The following PHACTR2 variants were observed in gnomAD, a reference collection of about 807,000 sequenced individuals.
PHACTR2 encodes phosphatase and actin regulator 2.
In PHACTR2, 30 loss-of-function variants were observed where a neutral mutation model predicts 76.0. The ratio of observed to expected loss-of-function variants is 0.39; its 90% CI spans 0.30 to 0.54. The LOEUF is 0.54. Ranked by LOEUF, PHACTR2 falls within the 20% of genes least tolerant of loss-of-function variation. PHACTR2 has a pLI of 0.61. For synonymous variants in PHACTR2, 292 were observed against 292.5 expected (o/e 1.00, Z 0.02); for missense variants, 696 against 781.1 (o/e 0.89, Z 1.30).
chr6:143,582,523 A>T (rs1775587404), intron 1 of PHACTR2, among the ~76,000 whole-genome samples: 3 of 152,108 alleles, frequency 2.0e-5, no homozygotes, highest in Admixed American at 2.0e-4. Flanking sequence ...TTTTTTCCTG[A>T]GGAATGATCA....
At chr6:143,615,449 A>T (rs150489644) in intron 1 of PHACTR2, among the ~76,000 whole-genome samples, 1 of 152,334 alleles carries the variant, frequency 6.6e-6, no homozygotes, top group African/African-American at 2.4e-5. Flanking sequence ...GTAAATATCA[A>T]TGTCATATGA....
At position 143,738,087 on chromosome 6, in the gene PHACTR2, C is replaced by G. The variant is rs543949164; in HGVS notation, c.215-10898C>G. ...TTGTTTTAATATGTATTGTTCATGG[C>G]TCAACTCAATAAAAAATAGGCTTTT... On this transcript the variant is annotated intron_variant, in intron 2 of 12. Coordinates refer to ENST00000440869, the MANE Select transcript of PHACTR2 (RefSeq NM_001100164.2). This position sits in a 1 kb window ranked among gnomAD's most constrained non-coding sequence, Gnocchi z 4.0. 6.6e-6 allele frequency among the ~76,000 whole-genome samples: 1 copy of G among 152,296 alleles called. No homozygotes were observed. The highest frequency in any genetic ancestry group is 2.4e-5 in the African/African-American group (1 of 41,572).
intron 2 of PHACTR2, among the ~76,000 whole-genome samples, chr6:143,727,296 T>C (rs1387270836): frequency 6.6e-6 from 1 of 152,240 alleles, no homozygotes; most frequent in Non-Finnish European, 1.5e-5. Flanking sequence ...TATTCTTTTT[T>C]TTTTATGGCC....
intron 6 of PHACTR2, among the ~76,000 whole-genome samples, chr6:143,771,654 C>A (rs1382168010): frequency 1.3e-5 from 2 of 151,986 alleles, no homozygotes; most frequent in Non-Finnish European, 2.9e-5. Flanking sequence ...CCAGGCTGGT[C>A]TTGAACTCCT....
Position 143,755,175 on chromosome 6 carries a change from A to G in PHACTR2, c.454+1263A>G. On this transcript the variant is annotated intron_variant, in intron 4 of 12. Transcript: ENST00000440869. This position sits in a 1 kb window ranked among gnomAD's most constrained non-coding sequence, Gnocchi z 5.2. ...TACACAAATTATGAAATTAACTAAT[A>G]CTTTCAATGATAATATTCCTGGAAC... 2.3e-6 allele frequency: 1 copy of G among 434,834 alleles called. No homozygotes were observed. The highest frequency in any genetic ancestry group is 1.6e-5 in the South Asian group (1 of 61,202). The allele number at this position is 434,834 out of a possible 1,614,324, so 26.9% of individuals were successfully genotyped here.
intron 1 of PHACTR2, among the ~76,000 whole-genome samples, chr6:143,538,249 T>C (rs957231610): frequency 2.6e-5 from 4 of 152,222 alleles, no homozygotes; most frequent in Non-Finnish European, 5.9e-5. Flanking sequence ...GGCCGAGTTG[T>C]GTGACGTTGG....
chr6:143,735,865 G>T (rs556040445), intron 2 of PHACTR2, among the ~76,000 whole-genome samples: 1 of 152,192 alleles, frequency 6.6e-6, no homozygotes, highest in East Asian at 1.9e-4. Context: ...GTGAAGTAAA[G>T]TAGTTTTTCC....
chr6:143,547,123 T>G lies in PHACTR2; in HGVS notation c.217+9916T>G, dbSNP rs1468819994. Reference sequence around the variant, plus strand: ...GTGTTATCTTTTAGAGTTGTCATATTGGAAGAGTATGTACTCATTCCCATT... The same window carrying G: ...GTGTTATCTTTTAGAGTTGTCATATGGGAAGAGTATGTACTCATTCCCATT... On this transcript the variant is annotated intron_variant, in intron 1 of 11. Transcript: ENST00000367584. The surrounding 1 kb of genome is among the most constrained non-coding windows in gnomAD (Gnocchi z 4.2). 6.6e-6 allele frequency among the ~76,000 whole-genome samples: 1 copy of G among 152,196 alleles called. No homozygotes were observed. The highest frequency in any genetic ancestry group is 1.5e-5 in the Non-Finnish European group (1 of 68,030).
At chr6:143,727,758 T>C (rs1028947677) in intron 2 of PHACTR2, among the ~76,000 whole-genome samples, 1 of 124,996 alleles carries the variant, frequency 8.0e-6, no homozygotes, top group East Asian at 1.9e-4. Flanking sequence ...TTTTGAGAAA[T>C]ATCTATTCAT....
chr6:143,579,263 C>T (rs971008519), intron 1 of PHACTR2, among the ~76,000 whole-genome samples: 1 of 152,140 alleles, frequency 6.6e-6, no homozygotes, highest in Middle Eastern at 3.4e-3. Context: ...GAAAGGTGTA[C>T]TGGGGGTTGT....
rs772969901 is a variant in PHACTR2, at chr6:143,611,656, T to C, written c.13+3334T>C. On this transcript the variant is annotated intron_variant, in intron 1 of 11. Transcript: ENST00000305766. The surrounding 1 kb of genome is among the most constrained non-coding windows in gnomAD (Gnocchi z 4.4). Reference sequence around the variant, plus strand: ...ATGGCTGGCATATGGCAGCATACAATGCATGTTGGCGTTTTAGAGAGTCAT... The same window carrying C: ...ATGGCTGGCATATGGCAGCATACAACGCATGTTGGCGTTTTAGAGAGTCAT... Among the ~76,000 whole-genome samples, 2 of 152,346 alleles carry C rather than the reference T, an allele frequency of 1.3e-5. No homozygotes were observed. The highest frequency in any genetic ancestry group is 2.1e-4 in the South Asian group (1 of 4,832).
intron 2 of PHACTR2, among the ~76,000 whole-genome samples, chr6:143,736,775 T>C (rs945868947): frequency 6.6e-6 from 1 of 151,560 alleles, no homozygotes; most frequent in African/African-American, 2.4e-5. Context: ...GGGGTTTTAC[T>C]GTGTTAGCCA....
At chr6:143,594,146 TA>T (rs1384429774) in intron 1 of PHACTR2, among the ~76,000 whole-genome samples, 1 of 152,242 alleles carries the variant, frequency 6.6e-6, no homozygotes, top group African/African-American at 2.4e-5. Flanking sequence ...TGCACAAAAC[TA>T]TTAAAAGATG....
At chr6:143,796,379 TTTTCTTTCTTTCTTTCTTTCTTTC>T (rs147314577) in intron 11 of PHACTR2, among the ~76,000 whole-genome samples, 2 of 148,710 alleles carry the variant, frequency 1.3e-5, no homozygotes, top group East Asian at 4.1e-4. Context: ...TTTCTTTTTC[TTTTCTTTCTTTCTTTCTTTCTTTC>T]TTTCTTTCTT....
At chr6:143,716,402 T>C (rs1190624801) in intron 2 of PHACTR2, among the ~76,000 whole-genome samples, 3 of 152,154 alleles carry the variant, frequency 2.0e-5, no homozygotes, top group Non-Finnish European at 4.4e-5. Context: ...CACAGCTCAC[T>C]GCAGCCTCAA....
intron 1 of PHACTR2, among the ~76,000 whole-genome samples, chr6:143,707,016 A>G (rs4896668): frequency 0.18 from 27,504 of 152,218 alleles, 3,084 homozygotes; most frequent in East Asian, 0.51. Context: ...TGTAGGTAAT[A>G]AAGTTAAATC....
At chr6:143,725,616 C>T (rs1175711144) in intron 2 of PHACTR2, among the ~76,000 whole-genome samples, 4 of 151,650 alleles carry the variant, frequency 2.6e-5, no homozygotes, top group African/African-American at 9.7e-5. Context: ...GCAGGTGGAT[C>T]ACGAGGTCAA....
intron 1 of PHACTR2, among the ~76,000 whole-genome samples, chr6:143,681,888 G>A (rs1177486227): frequency 1.3e-5 from 2 of 152,208 alleles, no homozygotes; most frequent in African/African-American, 4.8e-5. Flanking sequence ...GATTGACTGT[G>A]TACATAAGGG....
rs1259803617 is a variant in PHACTR2 at position 143,806,052 on chromosome 6, G to A, written c.1846-1005G>A. Among the ~76,000 whole-genome samples, 1 of 152,108 alleles carries A rather than the reference G, an allele frequency of 6.6e-6. No individual in the cohort carries two copies. The highest frequency in any genetic ancestry group is 1.5e-5 in the Non-Finnish European group (1 of 68,042). ...AGTCCATTTTGCCTAGAGGTTACAG[G>A]GGTGTTTTTATTAGCACCTTTTTAA... On this transcript the variant is annotated intron_variant, in intron 11 of 12. Coordinates refer to ENST00000440869, the MANE Select transcript of PHACTR2 (RefSeq NM_001100164.2). This position sits in a 1 kb window ranked among gnomAD's most constrained non-coding sequence, Gnocchi z 5.8.
Sources: allele counts gnomAD v4.1 joint callset (sites outside exome capture counted in the v4.1 genomes callset), GRCh38; gene constraint gnomAD v4.1.1; non-coding constraint Gnocchi (gnomAD v3.1); transcripts MANE v1.5; gene names NCBI Gene and HGNC (gene_info 2026-07-23, HGNC 2026-07-21).